Variants in ZC4H2 observed in about 807,000 individuals in gnomAD.
ZC4H2 encodes the protein zinc finger C4H2 domain-containing protein.
For missense variants in ZC4H2, 137 were observed against 173.9 expected (o/e 0.79, Z 1.19); for synonymous variants, 84 against 66.3 (o/e 1.27, Z -1.30).
intron 1 of ZC4H2, among the ~76,000 whole-genome samples, chrX:65,026,471 G>A (rs1298635854): frequency 9.0e-6 from 1 of 111,321 alleles, no homozygotes; most frequent in African/African-American, 3.3e-5. Context: ...AGCACTTTGG[G>A]AGGCCGAGAC....
Position 64,919,033 on chromosome X carries a change from C to A in ZC4H2, c.561+9G>T. ...TGCTTCCTCCACAACCATTACCCAG[C>A]TCACTTACCTTCATAGGTGGGGGCT... is the stretch of plus-strand genomic sequence containing the variant. On this transcript the variant is annotated intron_variant, in intron 4 of 4. Coordinates refer to ENST00000374839, the MANE Select transcript of ZC4H2 (RefSeq NM_018684.4). The A allele has an allele frequency of 2.6e-6, 3 of 1,150,759 alleles. No individual in the cohort carries two copies. The highest frequency in any genetic ancestry group is 3.5e-6 in the Non-Finnish European group (3 of 864,144). The allele number at this position is 1,150,759 out of a possible 1,213,427, so 94.8% of individuals were successfully genotyped here.
chrX:64,976,550 G>C (rs1290370119), upstream of ZC4H2: 19 of 474,800 alleles, frequency 4.0e-5, no homozygotes, highest in Non-Finnish European at 6.5e-5. Context: ...CAGGAAGCCC[G>C]GGGGCCTGTA....
chrX:65,026,292 G>A (rs1219907263), intron 1 of ZC4H2, among the ~76,000 whole-genome samples: 1 of 112,090 alleles, frequency 8.9e-6, no homozygotes, highest in Non-Finnish European at 1.9e-5. Context: ...AATGGTTGTG[G>A]AAAGAACTAC....
At chrX:65,009,051 G>A (rs1344570429) in intron 1 of ZC4H2, among the ~76,000 whole-genome samples, 1 of 111,779 alleles carries the variant, frequency 8.9e-6, no homozygotes, top group Non-Finnish European at 1.9e-5. Context: ...CACATTTTAC[G>A]ATAGTATTAA....
chrX:64,955,445 C>T (rs780685225), intron 1 of ZC4H2, among the ~76,000 whole-genome samples: 9 of 111,466 alleles, frequency 8.1e-5, no homozygotes, highest in Admixed American at 1.9e-4. Context: ...CTTCTGAGAA[C>T]ATCAGAGAAA....
At chrX:64,923,224 A>T (rs957969832) in intron 1 of ZC4H2, among the ~76,000 whole-genome samples, 3 of 112,023 alleles carry the variant, frequency 2.7e-5, no homozygotes, top group Non-Finnish European at 3.8e-5. Context: ...ACATACATGG[A>T]TGTGACTAAA....
intron 1 of ZC4H2, among the ~76,000 whole-genome samples, chrX:64,983,769 T>C (rs1228148959): frequency 8.9e-6 from 1 of 111,881 alleles, no homozygotes; most frequent in Non-Finnish European, 1.9e-5. Flanking sequence ...ACATTTAACT[T>C]AAAAAAGTTT....
chrX:65,011,053 T>G (rs754087468), intron 1 of ZC4H2, among the ~76,000 whole-genome samples: 1 of 111,599 alleles, frequency 9.0e-6, no homozygotes, highest in African/African-American at 3.2e-5. Context: ...AGTTGGTAGC[T>G]GAGAAACAGA....
chrX:64,998,968 C>T (rs181885121), intron 1 of ZC4H2, among the ~76,000 whole-genome samples: 355 of 103,200 alleles, frequency 3.4e-3, no homozygotes, highest in African/African-American at 0.012. Context: ...TTATTCCATC[C>T]TTTCATTTTT....
At chrX:64,920,503 G>A (rs1240838506) in intron 2 of ZC4H2, among the ~76,000 whole-genome samples, 1 of 112,000 alleles carries the variant, frequency 8.9e-6, no homozygotes, top group Non-Finnish European at 1.9e-5. Context: ...AAAGCACTCA[G>A]TAAATGGGCT....
intron 1 of ZC4H2, among the ~76,000 whole-genome samples, chrX:64,932,678 A>C (rs1421781051): frequency 2.7e-5 from 3 of 111,737 alleles, no homozygotes; most frequent in Non-Finnish European, 3.8e-5. Context: ...CAGGAGGTGA[A>C]AGGTAAGACT....
At chrX:64,952,474 A>G (rs976511440) in intron 1 of ZC4H2, among the ~76,000 whole-genome samples, 2 of 110,866 alleles carry the variant, frequency 1.8e-5, no homozygotes, top group Non-Finnish European at 3.8e-5. Context: ...GCAAAGTCTT[A>G]GGATACAAAA....
intron 4 of ZC4H2, chrX:64,918,227 T>TA (rs1929022247): frequency 6.2e-6 from 1 of 160,910 alleles, no homozygotes; most frequent in East Asian, 1.6e-4. Flanking sequence ...TCAACAAACA[T>TA]TTTCTGTAAA....
intron 1 of ZC4H2, among the ~76,000 whole-genome samples, chrX:64,938,462 A>G (rs766708306): frequency 9.0e-6 from 1 of 111,653 alleles, no homozygotes; most frequent in East Asian, 2.8e-4. Flanking sequence ...GGGTACCAAA[A>G]CCTGGCAGAG....
At chrX:64,968,182 A>G (rs998872004) in intron 1 of ZC4H2, among the ~76,000 whole-genome samples, 2 of 112,182 alleles carry the variant, frequency 1.8e-5, no homozygotes, top group Non-Finnish European at 3.8e-5. Flanking sequence ...GGCACTTTTT[A>G]TGCTATCAAA....
chrX:64,941,553 T>G (rs1487555282), intron 1 of ZC4H2, among the ~76,000 whole-genome samples: 1 of 112,058 alleles, frequency 8.9e-6, no homozygotes, highest in Non-Finnish European at 1.9e-5. Flanking sequence ...TCTTATTATT[T>G]TGAGATATGT....
At chrX:64,941,378 C>A (rs1930274663) in intron 1 of ZC4H2, among the ~76,000 whole-genome samples, 1 of 111,599 alleles carries the variant, frequency 9.0e-6, no homozygotes, top group Non-Finnish European at 1.9e-5. Context: ...ATTTGAATAC[C>A]ATTATTTCCT....
intron 1 of ZC4H2, among the ~76,000 whole-genome samples, chrX:64,924,183 GCAGA>G (rs988995651): frequency 1.8e-5 from 2 of 111,661 alleles, no homozygotes; most frequent in African/African-American, 3.3e-5. Context: ...ACCTATTTCT[GCAGA>G]CAAAGTCATA....
chrX:64,976,548 C>A, upstream of ZC4H2: 1 of 481,614 alleles, frequency 2.1e-6, no homozygotes, highest in Non-Finnish European at 3.6e-6. Context: ...GCCAGGAAGC[C>A]CGGGGGCCTG....
Sources: gnomAD v4.1 joint callset for allele counts (sites outside exome capture counted in the v4.1 genomes callset) on GRCh38, gnomAD v4.1.1 for gene constraint, MANE v1.5 for transcripts, NCBI Gene and HGNC (gene_info 2026-07-23, HGNC 2026-07-21) for gene names.